SWT1: variants seen among roughly 807,000 people sequenced by gnomAD.
The protein encoded by SWT1 is SWT1 RNA endoribonuclease homolog, also known as transcriptional protein SWT1.
A neutral mutation model predicts 107.3 loss-of-function variants in SWT1; 33 were observed. The ratio of observed to expected loss-of-function variants is 0.31; its 90% CI spans 0.23 to 0.41. SWT1 has a LOEUF of 0.41. Among genes scored for constraint, SWT1 ranks in the 10% least tolerant of loss-of-function variants. The pLI is 1.00. For missense variants in SWT1, 898 were observed against 1,028.9 expected (o/e 0.87, Z 1.74); for synonymous variants, 345 against 348.3 (o/e 0.99, Z 0.11).
chr1:185,210,467 A>C (rs1381772992), intron 13 of SWT1, among the ~76,000 whole-genome samples: 1 of 152,138 alleles, frequency 6.6e-6, no homozygotes, highest in Non-Finnish European at 1.5e-5. Context: ...AACACCATTT[A>C]CTTGGACAAA....
intron 14 of SWT1, among the ~76,000 whole-genome samples, chr1:185,217,929 A>G (rs1202146732): frequency 1.3e-5 from 2 of 152,140 alleles, no homozygotes; most frequent in South Asian, 2.1e-4. Flanking sequence ...TGTAATTATA[A>G]TAGAAATAAA....
In SWT1 at chr1:185,182,119, A is replaced by G; in HGVS notation, c.1138+62A>G. 3 of 1,494,686 alleles carry G rather than the reference A, an allele frequency of 2.0e-6. No homozygotes were observed. The South Asian group carries it at 4.1e-5, about 20-fold the overall frequency. The allele number at this position is 1,494,686 out of a possible 1,614,324, so 92.6% of individuals were successfully genotyped here. A position where few individuals can be genotyped will look rare whatever the true frequency, so the allele number is the denominator to read the frequency against. On this transcript the variant is annotated intron_variant, in intron 7 of 18. Transcript: ENST00000367500. ...CTTTCCTAAAAATTAATGTGCCAAT[A>G]TTCAATTTTTATAATATTTAGATGA... is the stretch of plus-strand genomic sequence containing the variant.
At chr1:185,206,485 G>T (rs1162770090) in intron 12 of SWT1, 140 bp from the exon 13 acceptor site, 4 of 477,370 alleles carry the variant, frequency 8.4e-6, no homozygotes, top group South Asian at 6.0e-5. Flanking sequence ...TGTTATGATT[G>T]ACTTTACATC....
chr1:185,289,662 G>C (rs775384576), intron 18 of SWT1, among the ~76,000 whole-genome samples: 3 of 152,188 alleles, frequency 2.0e-5, no homozygotes. Context: ...ATACACAGTG[G>C]AATACTATTC....
chr1:185,226,006 G>T (rs1418933487), intron 15 of SWT1, among the ~76,000 whole-genome samples: 1 of 151,950 alleles, frequency 6.6e-6, no homozygotes, highest in Non-Finnish European at 1.5e-5. Context: ...ATAAAGCAAA[G>T]GTTTTTTTTT....
intron 18 of SWT1, among the ~76,000 whole-genome samples, chr1:185,285,591 C>A (rs753792082): frequency 1.3e-5 from 2 of 152,118 alleles, no homozygotes; most frequent in Non-Finnish European, 1.5e-5. Context: ...TTTAAGACTA[C>A]CTAAGAATCC....
intron 10 of SWT1, among the ~76,000 whole-genome samples, chr1:185,198,466 T>G (rs1209796642): frequency 6.6e-6 from 1 of 152,220 alleles, no homozygotes; most frequent in African/African-American, 2.4e-5. Flanking sequence ...CAGAGCTGAG[T>G]TCAAGTCCTG....
At position 185,174,363 on chromosome 1, in the gene SWT1, G is replaced by C; in HGVS notation, c.225-9G>C. ...ATAATGTAACCTAGGTTTCTGTGCTGTTTTACAGATTGAGTGTAGAAATTG... is the reference window on the plus strand; with the variant it reads ...ATAATGTAACCTAGGTTTCTGTGCTCTTTTACAGATTGAGTGTAGAAATTG... On this transcript the variant is annotated splice_polypyrimidine_tract_variant and intron_variant, in intron 4 of 18. Transcript: ENST00000367500. 1 of 1,528,874 alleles carries C rather than the reference G, an allele frequency of 6.5e-7. No homozygotes were observed. Among genetic ancestry groups the C allele is most frequent in the Non-Finnish European group, 8.7e-7 (1 of 1,146,010 alleles). 94.7% of individuals were successfully genotyped at this position (1,528,874 alleles called of 1,614,324 possible). A position where few individuals can be genotyped will look rare whatever the true frequency, so the allele number is the denominator to read the frequency against.
chr1:185,157,954 G>GT (rs1229467245), intron 1 of SWT1, among the ~76,000 whole-genome samples: 2 of 151,794 alleles, frequency 1.3e-5, no homozygotes, highest in Non-Finnish European at 2.9e-5. Flanking sequence ...TCTTTCTTCT[G>GT]TCCCCCCGCG....
In SWT1 at chr1:185,227,507, C is replaced by T. The variant is rs559828370; in HGVS notation, c.2310-4070C>T. 86 of 545,756 alleles carry T rather than the reference C, an allele frequency of 1.6e-4. No homozygotes were observed. The Middle Eastern group carries it at 2.3e-3, about 14-fold the overall frequency. 33.8% of individuals were successfully genotyped at this position (545,756 alleles called of 1,614,324 possible). ...ATATCCCTCTCTATACGAGCAGAAG[C>T]AGTCTGACAAATGATATCTCTGTTT... is the stretch of plus-strand genomic sequence containing the variant. On this transcript the variant is annotated intron_variant, in intron 15 of 18. Transcript: ENST00000367500.
At chr1:185,286,966 G>T (rs1222832271) in intron 18 of SWT1, among the ~76,000 whole-genome samples, 1 of 151,950 alleles carries the variant, frequency 6.6e-6, no homozygotes, top group Non-Finnish European at 1.5e-5. Context: ...ATTATATACT[G>T]CTTTTATATT....
chr1:185,257,186 C>G (rs1362830212), intron 16 of SWT1, among the ~76,000 whole-genome samples: 2 of 152,264 alleles, frequency 1.3e-5, no homozygotes, highest in African/African-American at 2.4e-5. Flanking sequence ...CTCTTCAAAG[C>G]TGTCAGACAG....
chr1:185,168,467 AT>A lies in SWT1; in HGVS notation c.224+77del, dbSNP rs563618360. The A allele has an allele frequency of 1.6e-3, 1,547 of 987,956 alleles. 3 individuals carry two copies. Among genetic ancestry groups the A allele is most frequent in the Non-Finnish European group, 2.0e-3 (1,433 of 727,584 alleles). The allele number at this position is 987,956 out of a possible 1,614,324, so 61.2% of individuals were successfully genotyped here. A position where few individuals can be genotyped will look rare whatever the true frequency, so the allele number is the denominator to read the frequency against. ...TGAGACTAAATATTTGGATTTAAAA[AT>A]TTTTTTTATTTACTTTGAAGAGGAC... On this transcript the variant is annotated intron_variant, in intron 4 of 18. Coordinates refer to ENST00000367500, the MANE Select transcript of SWT1 (RefSeq NM_017673.7).
At chr1:185,221,625 A>G (rs1325339508) in intron 14 of SWT1, among the ~76,000 whole-genome samples, 1 of 152,208 alleles carries the variant, frequency 6.6e-6, no homozygotes, top group African/African-American at 2.4e-5. Context: ...TTAGCGAAAC[A>G]AATCATTATA....
intron 18 of SWT1, chr1:185,281,038 T>A (rs926137055): frequency 1.7e-5 from 5 of 288,984 alleles, no homozygotes; most frequent in African/African-American, 1.1e-4. Context: ...AGTCCTTTTT[T>A]ATGAAGATGA....
chr1:185,257,743 C>T (rs1050551091), intron 16 of SWT1, among the ~76,000 whole-genome samples: 1 of 152,252 alleles, frequency 6.6e-6, no homozygotes, highest in African/African-American at 2.4e-5. Context: ...CCGCCTTCTG[C>T]GTCGCTCACG....
intron 16 of SWT1, among the ~76,000 whole-genome samples, chr1:185,233,444 A>G (rs2102577656): frequency 6.6e-6 from 1 of 152,294 alleles, no homozygotes; most frequent in African/African-American, 2.4e-5. Flanking sequence ...ATTTAGTGCT[A>G]TAAATTTCCC....
intron 16 of SWT1, among the ~76,000 whole-genome samples, chr1:185,260,513 C>T (rs1046786420): frequency 1.3e-5 from 2 of 151,942 alleles, no homozygotes; most frequent in Non-Finnish European, 2.9e-5. Context: ...TACTGAGAGG[C>T]CAAATAAGAT....
chr1:185,172,660 T>C (rs1655171803), intron 4 of SWT1, among the ~76,000 whole-genome samples: 1 of 152,202 alleles, frequency 6.6e-6, no homozygotes, highest in Non-Finnish European at 1.5e-5. Context: ...TGTTATGTTG[T>C]TTTACATTTC....
Sources: allele counts gnomAD v4.1 joint callset (sites outside exome capture counted in the v4.1 genomes callset), GRCh38; gene constraint gnomAD v4.1.1; transcripts MANE v1.5; gene names NCBI Gene and HGNC (gene_info 2026-07-23, HGNC 2026-07-21).